KCNMA1: variants seen among roughly 807,000 people sequenced by gnomAD.
The protein encoded by KCNMA1 is potassium calcium-activated channel subfamily M alpha 1.
KCNMA1 carries 29 observed loss-of-function variants against 140.0 expected under a neutral mutation model. The observed-to-expected ratio is 0.21, with a 90% confidence interval of 0.15 to 0.28. KCNMA1 has a LOEUF of 0.28. KCNMA1 is among the 10% of genes least tolerant of loss of function. The pLI, the probability that KCNMA1 is intolerant of heterozygous loss-of-function variation, is 1.00. For synonymous variants in KCNMA1, 612 were observed against 611.9 expected (o/e 1.00, Z 0.00); for missense variants, 880 against 1,602.2 (o/e 0.55, Z 7.70).
At chr10:77,424,245 G>T (rs1282970145) in intron 1 of KCNMA1, among the ~76,000 whole-genome samples, 1 of 152,216 alleles carries the variant, frequency 6.6e-6, no homozygotes, top group Non-Finnish European at 1.5e-5. Flanking sequence ...GAGAGTTGTT[G>T]GATGTGTCTA....
intron 1 of KCNMA1, among the ~76,000 whole-genome samples, chr10:77,447,268 G>A (rs931062367): frequency 2.6e-5 from 4 of 152,194 alleles, no homozygotes; most frequent in Admixed American, 6.5e-5. Context: ...AGGTTTTGTG[G>A]AAGCTGCATC....
chr10:77,538,051 CAT>C (rs1389302028), intron 1 of KCNMA1, among the ~76,000 whole-genome samples: 6 of 151,738 alleles, frequency 4.0e-5, no homozygotes, highest in Admixed American at 6.6e-5. Context: ...CTCATATTCA[CAT>C]ACTCTACACA....
rs539821168 is a variant in KCNMA1, at chr10:77,292,497, C to A, written c.541-41241G>T. On this transcript the variant is annotated intron_variant, in intron 2 of 27. Transcript: ENST00000286628. Reference sequence around the variant, plus strand: ...TGGCACTGTTGCCAACTGGATCATACTGGATTTGGCCAGTGGAAGCACTGG... The same window carrying A: ...TGGCACTGTTGCCAACTGGATCATAATGGATTTGGCCAGTGGAAGCACTGG... 1.4e-3 allele frequency among the ~76,000 whole-genome samples: 215 copies of A among 152,360 alleles called. No individual in the cohort carries two copies. In the Middle Eastern group the frequency reaches 0.02, roughly 14 times the overall value.
chr10:77,545,345 C>A (rs924909468), intron 1 of KCNMA1, among the ~76,000 whole-genome samples: 1 of 152,114 alleles, frequency 6.6e-6, no homozygotes, highest in Non-Finnish European at 1.5e-5. Flanking sequence ...GTTTCCACTC[C>A]CCTAACACAT....
intron 22 of KCNMA1, chr10:76,948,821 T>C (rs2065197621): frequency 4.9e-6 from 2 of 410,520 alleles, no homozygotes; most frequent in Admixed American, 7.2e-5. Context: ...ATCCTTACTA[T>C]AAACATCATA....
intron 2 of KCNMA1, among the ~76,000 whole-genome samples, chr10:77,329,982 A>G (rs985850583): frequency 9.2e-5 from 14 of 152,228 alleles, no homozygotes; most frequent in South Asian, 2.1e-4. Context: ...ATAAATGTTA[A>G]TATTATAATT....
intron 2 of KCNMA1, among the ~76,000 whole-genome samples, chr10:77,384,815 G>A (rs771451705): frequency 2.0e-5 from 3 of 152,180 alleles, no homozygotes; most frequent in Non-Finnish European, 2.9e-5. Context: ...CTGGAGCCAC[G>A]TATGTTTGAG....
At chr10:77,349,831 G>A (rs1009774597) in intron 2 of KCNMA1, among the ~76,000 whole-genome samples, 3 of 152,126 alleles carry the variant, frequency 2.0e-5, no homozygotes, top group African/African-American at 7.2e-5. Context: ...ACTTTTTGTT[G>A]TCCATTTTTT....
intron 18 of KCNMA1, among the ~76,000 whole-genome samples, chr10:77,004,038 G>A (rs969476577): frequency 3.3e-5 from 5 of 152,114 alleles, no homozygotes; most frequent in South Asian, 2.1e-4. Flanking sequence ...ACTGGTAATC[G>A]AAGCAGCAAA....
rs1325623982 is a variant in KCNMA1 at position 76,887,022 on chromosome 10, G to A, written c.*244C>T. Reference sequence around the variant, plus strand: ...ATTTATGTCTGGAGCATGCCTTTGGGTTATTTTTCCCCCAGAATCATAAAT... The same window carrying A: ...ATTTATGTCTGGAGCATGCCTTTGGATTATTTTTCCCCCAGAATCATAAAT... On this transcript the variant is annotated 3_prime_UTR_variant, in exon 28 of 28. Coordinates refer to ENST00000286628, the MANE Select transcript of KCNMA1 (RefSeq NM_001161352.2). The A allele has an allele frequency of 1.5e-6, 2 of 1,368,380 alleles. No homozygotes were observed. The highest frequency in any genetic ancestry group is 1.9e-6 in the Non-Finnish European group (2 of 1,053,758). The allele number at this position is 1,368,380 out of a possible 1,614,324, so 84.8% of individuals were successfully genotyped here.
intron 1 of KCNMA1, among the ~76,000 whole-genome samples, chr10:77,449,265 C>T (rs1274752530): frequency 6.6e-6 from 1 of 152,068 alleles, no homozygotes; most frequent in African/African-American, 2.4e-5. Context: ...GCAAGAAACT[C>T]GACACCCAAC....
intron 2 of KCNMA1, among the ~76,000 whole-genome samples, chr10:77,395,052 A>C (rs2095992359): frequency 6.6e-6 from 1 of 152,158 alleles, no homozygotes; most frequent in African/African-American, 2.4e-5. Context: ...GATTTTTAAA[A>C]AATAACCATT....
chr10:77,000,746 T>C (rs2085958113), intron 19 of KCNMA1, among the ~76,000 whole-genome samples: 1 of 151,266 alleles, frequency 6.6e-6, no homozygotes, highest in African/African-American at 2.4e-5. Context: ...AGCTCTGTAA[T>C]CCACTAGCCC....
chr10:77,522,460 T>C (rs1394194832), intron 1 of KCNMA1, among the ~76,000 whole-genome samples: 1 of 152,188 alleles, frequency 6.6e-6, no homozygotes, highest in South Asian at 2.1e-4. Flanking sequence ...AGTTTCAAAA[T>C]TGAATAACTG....
chr10:77,573,631 T>TA (rs2072690859), intron 1 of KCNMA1, among the ~76,000 whole-genome samples: 1 of 86,502 alleles, frequency 1.2e-5, no homozygotes, highest in Non-Finnish European at 2.3e-5. Context: ...TGGAATGGAA[T>TA]GGAATGGAAT....
chr10:77,166,190 G>T lies in KCNMA1; in HGVS notation c.808+17231C>A, dbSNP rs11002052. ...TCATAAAATAAATATAAACAAACAA[G>T]AAAATTGAAATAAGAAGTCCTCTGA... On this transcript the variant is annotated intron_variant, in intron 5 of 27. Transcript: ENST00000286628. 3.5e-3 allele frequency among the ~76,000 whole-genome samples: 529 copies of T among 152,222 alleles called. 3 individuals carry two copies. Among genetic ancestry groups the T allele is most frequent in the African/African-American group, 0.012 (486 of 41,524 alleles).
chr10:76,910,599 TA>T (rs2049762282), intron 24 of KCNMA1: 1 of 237,328 alleles, frequency 4.2e-6, no homozygotes, highest in Non-Finnish European at 8.3e-6. Flanking sequence ...ACCCGCAGCC[TA>T]CCCACTGGGA....
At chr10:77,600,704 G>C (rs550172683) in intron 1 of KCNMA1, among the ~76,000 whole-genome samples, 1 of 152,010 alleles carries the variant, frequency 6.6e-6, no homozygotes, top group Non-Finnish European at 1.5e-5. Flanking sequence ...CTGAGGTCAC[G>C]CCATTGCACT....
rs61374890 is a variant in KCNMA1 at position 77,123,179 on chromosome 10, C to CAAAAAAAAAA, written c.809-2141_809-2132dup. On this transcript the variant is annotated intron_variant, in intron 5 of 27. Coordinates refer to ENST00000286628, the MANE Select transcript of KCNMA1 (RefSeq NM_001161352.2). ...TGGGCGACAGAGCGAGACTCCGTCT[C>CAAAAAAAAAA]AAAAAAAAAAAAAAAAAAAAAAAAA... Among the ~76,000 whole-genome samples, 4 of 59,652 alleles carry CAAAAAAAAAA rather than the reference C, an allele frequency of 6.7e-5. 1 individual carries two copies. Among genetic ancestry groups the CAAAAAAAAAA allele is most frequent in the Non-Finnish European group, 8.6e-5 (3 of 34,834 alleles). 39.1% of individuals were successfully genotyped at this position (59,652 alleles called of 152,430 possible).
Sources: allele counts gnomAD v4.1 joint callset (sites outside exome capture counted in the v4.1 genomes callset), GRCh38; gene constraint gnomAD v4.1.1; transcripts MANE v1.5; gene names NCBI Gene and HGNC (gene_info 2026-07-23, HGNC 2026-07-21).